The following KRI1 variants were observed in gnomAD, a reference collection of about 807,000 sequenced individuals.
The protein encoded by KRI1 is KRI1 homolog, also known as protein KRI1 homolog.
A neutral mutation model predicts 97.0 loss-of-function variants in KRI1; 83 were observed. The ratio of observed to expected loss-of-function variants is 0.86; its 90% CI spans 0.72 to 1.03. KRI1 has a LOEUF of 1.03. Ranked by LOEUF, KRI1 falls within the 50% of genes least tolerant of loss-of-function variation. The pLI is 0.00. For synonymous variants in KRI1, 371 were observed against 363.5 expected, an observed-to-expected ratio of 1.02 and a Z score of -0.23; for missense variants, 916 against 928.4, an observed-to-expected ratio of 0.99 and a Z score of 0.17.
chr19:10,557,305 C>T (rs912154283), intron 16 of KRI1, among the ~76,000 whole-genome samples: 4 of 152,010 alleles, frequency 2.6e-5, no homozygotes, highest in African/African-American at 9.7e-5. Flanking sequence ...CGGAGTTTCA[C>T]CACGTTGGCC....
At chr19:10,556,804 C>A (rs1916514378) in intron 16 of KRI1, among the ~76,000 whole-genome samples, 2 of 151,362 alleles carry the variant, frequency 1.3e-5, no homozygotes, top group Admixed American at 1.3e-4. Context: ...CCAGCCTGCA[C>A]AACACAGTAA....
At position 10,553,092 on chromosome 19, in the gene KRI1, C is replaced by T; in HGVS notation, c.*859G>A. 6.4e-7 allele frequency: 1 copy of T among 1,569,082 alleles called. No individual in the cohort carries two copies. ...AAGGGAGGGGATGAGGGGAAAGATA[C>T]AACACTATTTATTTTTTTATTTATG... On this transcript the variant is annotated 3_prime_UTR_variant, in exon 19 of 19. Coordinates refer to ENST00000312962, the MANE Select transcript of KRI1 (RefSeq NM_023008.5).
At chr19:10,562,641 C>G (rs1916735209) in intron 4 of KRI1, 88 bp downstream of exon 4, 1 of 777,416 alleles carries the variant, frequency 1.3e-6, no homozygotes, top group Admixed American at 2.0e-5. Flanking sequence ...CCCAGGCTGC[C>G]AGCTTTTTTC....
chr19:10,565,024 G>A lies in KRI1; in HGVS notation c.179C>T (p.Pro60Leu). The A allele has an allele frequency of 6.2e-7, 1 of 1,610,120 alleles. No homozygotes were observed. Among genetic ancestry groups the A allele is most frequent in the Non-Finnish European group, 8.5e-7 (1 of 1,176,550 alleles). ...TTTGTAAAAGTCCCGCTCCTGCTGG[G>A]GATCAAATTCCTAGGGCAGGAAAAG... is the stretch of plus-strand genomic sequence containing the variant. ...DSSDERVEFD[P>L]QQERDFYKTL... Residue 60 changes from proline (P) to leucine (L), a missense_variant, in exon 3 of 19, where the codon CCC (proline) becomes CTC (leucine). Coordinates refer to ENST00000312962, the MANE Select transcript of KRI1 (RefSeq NM_023008.5).
chr19:10,563,110 C>T (rs1916749037), intron 3 of KRI1, among the ~76,000 whole-genome samples: 1 of 152,044 alleles, frequency 6.6e-6, no homozygotes, highest in Non-Finnish European at 1.5e-5. Context: ...GGCTGGAGTG[C>T]AATGGCATGA....
At chr19:10,562,664 C>T (rs12977138) in intron 4 of KRI1, 65 bp downstream of exon 4, 130,793 of 971,036 alleles carry the variant, frequency 0.13, 10,636 homozygotes, top group Non-Finnish European at 0.17. Flanking sequence ...TCTCCTGCCC[C>T]TAAGACCCCC....
chr19:10,557,251 C>T (rs1237633500), intron 16 of KRI1, among the ~76,000 whole-genome samples: 1 of 151,596 alleles, frequency 6.6e-6, no homozygotes, highest in African/African-American at 2.4e-5. Flanking sequence ...ACTACAGGCG[C>T]CTGCCACCAT....
rs74533608 is a variant in KRI1 at position 10,553,439 on chromosome 19, A to G, written c.*512T>C. ...CTTGATCGTGGGTGTGGCTGGGCGC[A>G]GCGTTCTGAGGGGATGTGGGGTCTG... On this transcript the variant is annotated 3_prime_UTR_variant, in exon 19 of 19. Coordinates refer to ENST00000312962, the MANE Select transcript of KRI1 (RefSeq NM_023008.5). 8.3e-5 allele frequency: 18 copies of G among 216,062 alleles called. No individual in the cohort carries two copies. The East Asian group carries it at 1.8e-3, about 21-fold the overall frequency. 13.4% of individuals were successfully genotyped at this position (216,062 alleles called of 1,614,324 possible). A position where few individuals can be genotyped will look rare whatever the true frequency, so the allele number is the denominator to read the frequency against.
At chr19:10,564,409 G>A (rs534187821) in intron 3 of KRI1, among the ~76,000 whole-genome samples, 1 of 151,806 alleles carries the variant, frequency 6.6e-6, no homozygotes, top group African/African-American at 2.4e-5. Flanking sequence ...GCAGTGAGCT[G>A]AGATCGTCCC....
In KRI1 at chr19:10,553,881, G is replaced by A. The variant is rs1893257459; in HGVS notation, c.*70C>T. 2.4e-6 allele frequency: 3 copies of A among 1,256,178 alleles called. No homozygotes were observed. The highest frequency in any genetic ancestry group is 3.2e-6 in the Non-Finnish European group (3 of 925,108). The allele number at this position is 1,256,178 out of a possible 1,614,324, so 77.8% of individuals were successfully genotyped here. ...AGGATCTCTGCAGCAGATAGTACTT[G>A]TGGGTGCGAGACCTGTCCAGGGCTT... On this transcript the variant is annotated 3_prime_UTR_variant, in exon 19 of 19. Transcript: ENST00000312962.
chr19:10,559,798 C>G lies in KRI1; in HGVS notation c.927+12G>C. 3 of 1,613,734 alleles carry G rather than the reference C, an allele frequency of 1.9e-6. No individual in the cohort carries two copies. The highest frequency in any genetic ancestry group is 8.5e-7 in the Non-Finnish European group (1 of 1,179,876). On this transcript the variant is annotated intron_variant, in intron 10 of 18. Coordinates refer to ENST00000312962, the MANE Select transcript of KRI1 (RefSeq NM_023008.5). Reference sequence around the variant, plus strand: ...CCTGGGGGCTGAGTCCTCCCCAGCCCCAGCCACACACCGATGCTGAGTCCG... The same window carrying G: ...CCTGGGGGCTGAGTCCTCCCCAGCCGCAGCCACACACCGATGCTGAGTCCG...
intron 6 of KRI1, 120 bp from the exon 7 acceptor site, chr19:10,561,385 C>T (rs1281387059): frequency 5.2e-6 from 5 of 966,428 alleles, no homozygotes; most frequent in Non-Finnish European, 7.9e-6. Context: ...ATCTTGAACT[C>T]CTGGGCTCAA....
intron 17 of KRI1, 38 bp downstream of exon 17, chr19:10,555,247 C>G: frequency 1.2e-6 from 2 of 1,613,324 alleles, no homozygotes; most frequent in African/African-American, 1.3e-5. Context: ...CCGCCCTGCC[C>G]CCTGCGCATG....
Position 10,558,145 on chromosome 19 carries a change from G to T in KRI1, c.1270+19C>A. The T allele has an allele frequency of 6.2e-7, 1 of 1,610,660 alleles. No individual in the cohort carries two copies. Among genetic ancestry groups the T allele is most frequent in the South Asian group, 1.1e-5 (1 of 90,978 alleles). ...TCCCCAGTCCCCAATCCCCAGCCCAGTGCCCCAGCTGATCTCACCTTCAAG... is the reference window on the plus strand; with the variant it reads ...TCCCCAGTCCCCAATCCCCAGCCCATTGCCCCAGCTGATCTCACCTTCAAG... On this transcript the variant is annotated intron_variant, in intron 13 of 18. Transcript: ENST00000312962.
chr19:10,566,008 T>C lies in KRI1; in HGVS notation c.-9A>G. Reference sequence around the variant, plus strand: ...CCGCGCGGTTCCGGCATGGCGGTTCTGTGGCCCATTGCGCACGCGCATTGA... The same window carrying C: ...CCGCGCGGTTCCGGCATGGCGGTTCCGTGGCCCATTGCGCACGCGCATTGA... On this transcript the variant is annotated 5_prime_UTR_variant, in exon 1 of 19. Transcript: ENST00000312962. 1 of 1,505,324 alleles carries C rather than the reference T, an allele frequency of 6.6e-7. No homozygotes were observed. Among genetic ancestry groups the C allele is most frequent in the Non-Finnish European group, 8.8e-7 (1 of 1,133,736 alleles). The allele number at this position is 1,505,324 out of a possible 1,614,324, so 93.2% of individuals were successfully genotyped here. A position where few individuals can be genotyped will look rare whatever the true frequency, so the allele number is the denominator to read the frequency against.
chr19:10,562,107 G>A (rs772907203), intron 4 of KRI1, among the ~76,000 whole-genome samples: 32 of 151,562 alleles, frequency 2.1e-4, no homozygotes, highest in Non-Finnish European at 3.4e-4. Context: ...GGAGGGCAGT[G>A]GCATGATCTC....
At chr19:10,557,144 AC>A (rs1265402317) in intron 16 of KRI1, among the ~76,000 whole-genome samples, 1 of 141,368 alleles carries the variant, frequency 7.1e-6, no homozygotes, top group Non-Finnish European at 1.5e-5. Context: ...GCGCTCTGTC[AC>A]CTAGGCTGGA....
rs1916846452 is a variant in KRI1, at chr19:10,565,700, G to T, written c.168+17C>A. On this transcript the variant is annotated intron_variant, in intron 2 of 18. Coordinates refer to ENST00000312962, the MANE Select transcript of KRI1 (RefSeq NM_023008.5). ...TTGGACGCCTCCGCACGTCCAGGAC[G>T]GGGCGGGGACGCGCACCACGCGCTC... 3.9e-6 allele frequency: 6 copies of T among 1,558,394 alleles called. No individual in the cohort carries two copies. In the South Asian group the frequency reaches 7.0e-5, roughly 18 times the overall value.
rs779101047 is a variant in KRI1 at position 10,565,011 on chromosome 19, C to T, written c.192G>A (p.Arg64=). 1.5e-5 allele frequency: 25 copies of T among 1,613,212 alleles called. No individual in the cohort carries two copies. The highest frequency in any genetic ancestry group is 2.1e-5 in the Non-Finnish European group (25 of 1,179,480). ...ERVEFDPQQE[R]DFYKTLSLLK... The stretch of plus-strand genomic sequence containing the variant: ...ACAAGGAGAGCGTTTTGTAAAAGTC[C>T]CGCTCCTGCTGGGGATCAAATTCCT... The change falls in exon 3 of 19, where the codon CGG becomes CGA. Residue 64 remains arginine (R), a synonymous_variant. Transcript: ENST00000312962.
Sources: gnomAD v4.1 joint callset for allele counts (sites outside exome capture counted in the v4.1 genomes callset) on GRCh38, gnomAD v4.1.1 for gene constraint, MANE v1.5 for transcripts, NCBI Gene and HGNC (gene_info 2026-07-23, HGNC 2026-07-21) for gene names.